Variants in BLTP3A observed in about 807,000 individuals in gnomAD.
BLTP3A encodes the protein bridge-like lipid transfer protein family member 3A.
At chr6:34,834,752 C>T in the BLTP3A span, 8 of 1,614,168 alleles carry the variant, frequency 5.0e-6, no homozygotes, top group Admixed American at 1.3e-4. Flanking sequence ...ACTTGGCAAA[C>T]ACTCCGAATT....
the BLTP3A span, among the ~76,000 whole-genome samples, chr6:34,801,862 G>A: frequency 6.6e-6 from 1 of 151,784 alleles, no homozygotes. Flanking sequence ...CTCAGTCTCC[G>A]GAGTAGCTGG....
the BLTP3A span, among the ~76,000 whole-genome samples, chr6:34,797,073 C>A: frequency 1.3e-5 from 2 of 151,774 alleles, no homozygotes; most frequent in Non-Finnish European, 2.9e-5. Context: ...TTTTTTTTGG[C>A]GCATTGGGGA....
the BLTP3A span, among the ~76,000 whole-genome samples, chr6:34,800,696 A>T: frequency 6.6e-6 from 1 of 152,226 alleles, no homozygotes; most frequent in Non-Finnish European, 1.5e-5. Flanking sequence ...AGTAAAGCAG[A>T]AAACTAAAGT....
the BLTP3A span, among the ~76,000 whole-genome samples, chr6:34,822,946 A>ATATTCCTGG: frequency 6.6e-6 from 1 of 152,062 alleles, no homozygotes; most frequent in African/African-American, 2.4e-5. Flanking sequence ...TTTATCCCAA[A>ATATTCCTGG]AACTGGAATC....
the BLTP3A span, chr6:34,834,190 A>G: frequency 1.2e-6 from 2 of 1,607,984 alleles, no homozygotes; most frequent in Non-Finnish European, 1.7e-6. Flanking sequence ...CATAATTCTG[A>G]TTGTTGGTCT....
chr6:34,821,930 A>G, the BLTP3A span: 1 of 1,614,086 alleles, frequency 6.2e-7, no homozygotes, highest in African/African-American at 1.3e-5. Context: ...CAGTGGACAA[A>G]GTTGAAGACA....
At chr6:34,869,078 G>A in the BLTP3A span, among the ~76,000 whole-genome samples, 11 of 151,550 alleles carry the variant, frequency 7.3e-5, no homozygotes, top group African/African-American at 2.2e-4. Context: ...CGAATTCGAC[G>A]TGCTGCAACC....
At chr6:34,817,807 G>C in the BLTP3A span, among the ~76,000 whole-genome samples, 1 of 151,654 alleles carries the variant, frequency 6.6e-6, no homozygotes, top group African/African-American at 2.4e-5. Flanking sequence ...GTAAGAAGTG[G>C]TTAGGACCAT....
At chr6:34,863,948 A>C in the BLTP3A span, 207 of 1,506,812 alleles carry the variant, frequency 1.4e-4, no homozygotes, top group African/African-American at 2.6e-3. Flanking sequence ...AGTGGATGGG[A>C]ATAAACATGT....
chr6:34,841,648 G>A, the BLTP3A span, among the ~76,000 whole-genome samples: 1 of 152,178 alleles, frequency 6.6e-6, no homozygotes, highest in Non-Finnish European at 1.5e-5. Context: ...TGGAACTGCT[G>A]ACTAACATGC....
the BLTP3A span, chr6:34,867,365 C>G: frequency 1.2e-6 from 2 of 1,614,098 alleles, no homozygotes; most frequent in Non-Finnish European, 1.7e-6. Context: ...TGGAGAAGAC[C>G]TCATCTTTCA....
At chr6:34,845,569 C>T in the BLTP3A span, among the ~76,000 whole-genome samples, 3 of 151,946 alleles carry the variant, frequency 2.0e-5, no homozygotes, top group Admixed American at 6.6e-5. Flanking sequence ...TAAGTGCACA[C>T]CACCATGCCT....
At chr6:34,865,201 C>T in the BLTP3A span, among the ~76,000 whole-genome samples, 1 of 152,182 alleles carries the variant, frequency 6.6e-6, no homozygotes, top group African/African-American at 2.4e-5. Flanking sequence ...CCTCCCATTT[C>T]CCTTTTCAGC....
chr6:34,859,152 C>G, the BLTP3A span: 1 of 1,614,100 alleles, frequency 6.2e-7, no homozygotes, highest in Non-Finnish European at 8.5e-7. Context: ...CTGAGAAGGT[C>G]TTGGAGGAAA....
chr6:34,871,549 T>G, the BLTP3A span: 1 of 1,597,682 alleles, frequency 6.3e-7, no homozygotes, highest in Non-Finnish European at 8.6e-7. Context: ...TCTGAGCTGG[T>G]GGGGGGCATC....
the BLTP3A span, among the ~76,000 whole-genome samples, chr6:34,811,878 A>C: frequency 2.0e-5 from 3 of 151,542 alleles, no homozygotes; most frequent in African/African-American, 7.3e-5. Flanking sequence ...AACAAACAAA[A>C]ACTTAGTTGG....
the BLTP3A span, chr6:34,872,018 C>T: frequency 5.2e-5 from 65 of 1,242,406 alleles, no homozygotes; most frequent in Middle Eastern, 2.0e-4. Flanking sequence ...AAAAAGGTTG[C>T]GTGTGCTGCC....
the BLTP3A span, among the ~76,000 whole-genome samples, chr6:34,865,658 G>A: frequency 1.3e-5 from 2 of 152,144 alleles, no homozygotes; most frequent in South Asian, 2.1e-4. Context: ...CAGGGTGCTA[G>A]GGTTTCCTTT....
chr6:34,792,878 C>G, the BLTP3A span, among the ~76,000 whole-genome samples: 8 of 152,190 alleles, frequency 5.3e-5, no homozygotes, highest in Non-Finnish European at 1.0e-4. Context: ...CAGGAGCTCC[C>G]ACCTCCTCCT....
Sources: gnomAD v4.1 joint callset for allele counts (sites outside exome capture counted in the v4.1 genomes callset) on GRCh38, gnomAD v4.1.1 for gene constraint, MANE v1.5 for transcripts, NCBI Gene and HGNC (gene_info 2026-07-23, HGNC 2026-07-21) for gene names.